ASZ1: variants seen among roughly 807,000 people sequenced by gnomAD.
ASZ1 encodes the protein ankyrin repeat, SAM and basic leucine zipper domain-containing protein 1.
ASZ1 carries 67 observed loss-of-function variants against 61.8 expected under a neutral mutation model. The ratio of observed to expected loss-of-function variants is 1.08; its 90% CI spans 0.89 to 1.33. The LOEUF (loss-of-function observed/expected upper bound fraction) is 1.33. Among genes scored for constraint, ASZ1 ranks in the 40% most tolerant of loss-of-function variants. The pLI, the probability that ASZ1 is intolerant of heterozygous loss-of-function variation, is 0.00. For missense variants in ASZ1, 577 were observed against 554.5 expected, an observed-to-expected ratio of 1.04 and a Z score of -0.41; for synonymous variants, 193 against 192.7, an observed-to-expected ratio of 1.00 and a Z score of -0.01.
intron 10 of ASZ1, among the ~76,000 whole-genome samples, chr7:117,372,750 T>G (rs1039803094): frequency 6.6e-6 from 1 of 152,200 alleles, no homozygotes; most frequent in Non-Finnish European, 1.5e-5. Context: ...CTGGTACTAT[T>G]TTCTCTCAGA....
chr7:117,410,933 T>C (rs1379858319), intron 4 of ASZ1, among the ~76,000 whole-genome samples: 1 of 151,720 alleles, frequency 6.6e-6, no homozygotes, highest in African/African-American at 2.4e-5. Flanking sequence ...CTAATCAGTG[T>C]GTGTTAACAT....
At chr7:117,364,113 C>T (rs1010277724) in intron 12 of ASZ1, among the ~76,000 whole-genome samples, 2 of 152,106 alleles carry the variant, frequency 1.3e-5, no homozygotes, top group Admixed American at 6.6e-5. Flanking sequence ...TATCAATTAA[C>T]GTCTTACAAA....
chr7:117,376,442 C>T (rs1390200951), intron 10 of ASZ1, among the ~76,000 whole-genome samples: 2 of 152,114 alleles, frequency 1.3e-5, no homozygotes, highest in African/African-American at 4.8e-5. Context: ...CATCCCAATT[C>T]ATTTTGTGAG....
intron 4 of ASZ1, among the ~76,000 whole-genome samples, chr7:117,412,854 A>G (rs78710841): frequency 0.021 from 3,190 of 151,898 alleles, 113 homozygotes; most frequent in African/African-American, 0.073. Flanking sequence ...AAAAATGTCA[A>G]TTGCATGTAT....
intron 1 of ASZ1, 104 bp from the exon 2 acceptor site, chr7:117,427,039 G>C: frequency 8.4e-7 from 1 of 1,194,104 alleles, no homozygotes; most frequent in South Asian, 1.7e-5. Flanking sequence ...TTTTTTCTTG[G>C]CTTTATTTTG....
intron 4 of ASZ1, among the ~76,000 whole-genome samples, chr7:117,406,010 A>T (rs1796775763): frequency 6.6e-6 from 1 of 152,182 alleles, no homozygotes; most frequent in Non-Finnish European, 1.5e-5. Context: ...TAAGAAGTGA[A>T]TCTCTAGGTT....
In ASZ1 at chr7:117,400,216, GA is replaced by G. The variant is rs1157040560; in HGVS notation, c.441-14408del. ...GTTGAGAGATTAATGAAACAACTAT[GA>G]TAAAGGAAATTTCGACAATGATAAA... is the stretch of plus-strand genomic sequence containing the variant. On this transcript the variant is annotated intron_variant, in intron 4 of 12. Transcript: ENST00000284629. Among the ~76,000 whole-genome samples, 5 of 152,254 alleles carry G rather than the reference GA, an allele frequency of 3.3e-5. No individual in the cohort carries two copies. In the East Asian group the frequency reaches 9.6e-4, roughly 29 times the overall value.
intron 4 of ASZ1, among the ~76,000 whole-genome samples, chr7:117,390,283 C>T (rs1796439668): frequency 6.6e-6 from 1 of 152,010 alleles, no homozygotes; most frequent in Admixed American, 6.6e-5. Flanking sequence ...AATTCTTCCA[C>T]CTTAGCCTCC....
chr7:117,422,173 T>C (rs1006329955), intron 3 of ASZ1, 64 bp downstream of exon 3: 136 of 1,550,684 alleles, frequency 8.8e-5, no homozygotes, highest in Middle Eastern at 1.7e-4. Context: ...CTTTATATAA[T>C]AGCTACTTGG....
chr7:117,422,198 C>T, intron 3 of ASZ1, 39 bp downstream of exon 3: 1 of 1,592,190 alleles, frequency 6.3e-7, no homozygotes, highest in East Asian at 2.2e-5. Flanking sequence ...CAAGGAATCA[C>T]AGTAAGCATA....
intron 7 of ASZ1, 36 bp downstream of exon 7, chr7:117,382,950 A>G (rs368973451): frequency 6.7e-6 from 10 of 1,483,340 alleles, no homozygotes; most frequent in Middle Eastern, 2.1e-4. Context: ...AATTTTACTT[A>G]TAGGTATTCT....
rs564765971 is a variant in ASZ1, at chr7:117,387,027, G to A, written c.441-1218C>T. The stretch of plus-strand genomic sequence containing the variant: ...AAAAAATATATACAACTAGCCAGGT[G>A]TGGTGGCTCAGGCCTGTAATCTTAC... On this transcript the variant is annotated intron_variant, in intron 4 of 12. Coordinates refer to ENST00000284629, the MANE Select transcript of ASZ1 (RefSeq NM_130768.3). 4.0e-5 allele frequency among the ~76,000 whole-genome samples: 6 copies of A among 151,742 alleles called. No individual in the cohort carries two copies. In the South Asian group the frequency reaches 1.3e-3, roughly 32 times the overall value.
chr7:117,365,371 TG>T (rs1240058518), intron 12 of ASZ1, among the ~76,000 whole-genome samples: 1 of 152,188 alleles, frequency 6.6e-6, no homozygotes, highest in Non-Finnish European at 1.5e-5. Context: ...AAAATAAATA[TG>T]GTACCTGATT....
intron 4 of ASZ1, among the ~76,000 whole-genome samples, chr7:117,391,861 C>T (rs566183269): frequency 1.1e-4 from 17 of 151,996 alleles, no homozygotes; most frequent in African/African-American, 3.4e-4. Context: ...GGCATGATCT[C>T]GGGTCAATGC....
chr7:117,365,264 A>G (rs1021123484), intron 12 of ASZ1, among the ~76,000 whole-genome samples: 1 of 152,232 alleles, frequency 6.6e-6, no homozygotes, highest in Non-Finnish European at 1.5e-5. Flanking sequence ...GTTCTTATAT[A>G]GAAATGCATA....
At chr7:117,420,312 A>T (rs978925534) in intron 3 of ASZ1, 38 bp from the exon 4 acceptor site, 2 of 1,420,378 alleles carry the variant, frequency 1.4e-6, no homozygotes, top group South Asian at 2.4e-5. Flanking sequence ...ATCCCCATAC[A>T]TCAAGAGCAT....
intron 4 of ASZ1, among the ~76,000 whole-genome samples, chr7:117,409,678 C>G (rs1006712844): frequency 1.3e-5 from 2 of 151,590 alleles, no homozygotes; most frequent in African/African-American, 4.8e-5. Flanking sequence ...TAAAATTTAG[C>G]AAAATTTGAA....
chr7:117,400,660 G>A lies in ASZ1; in HGVS notation c.441-14851C>T, dbSNP rs1356652704. 3.3e-5 allele frequency among the ~76,000 whole-genome samples: 5 copies of A among 152,126 alleles called. No individual in the cohort carries two copies. In the East Asian group the frequency reaches 5.8e-4, roughly 18 times the overall value. On this transcript the variant is annotated intron_variant, in intron 4 of 12. Coordinates refer to ENST00000284629, the MANE Select transcript of ASZ1 (RefSeq NM_130768.3). ...CCCTGCAGAGAAGTGATCTTCTGTC[G>A]GACTTCTGCCTTCAAAGTATTTTCA...
intron 4 of ASZ1, among the ~76,000 whole-genome samples, chr7:117,392,607 G>C (rs953946715): frequency 3.3e-5 from 5 of 151,988 alleles, no homozygotes; most frequent in Non-Finnish European, 7.4e-5. Flanking sequence ...GAAATCTTTA[G>C]GGTTTTCCAG....
Sources: allele counts gnomAD v4.1 joint callset (sites outside exome capture counted in the v4.1 genomes callset), GRCh38; gene constraint gnomAD v4.1.1; transcripts MANE v1.5; gene names NCBI Gene and HGNC (gene_info 2026-07-23, HGNC 2026-07-21).